The following DSCAM variants were observed in gnomAD, a reference collection of about 807,000 sequenced individuals.
DSCAM encodes DS cell adhesion molecule.
A neutral mutation model predicts 217.7 loss-of-function variants in DSCAM; 47 were observed. The observed-to-expected ratio is 0.22, with a 90% CI of 0.17 to 0.28. DSCAM has a LOEUF of 0.28. DSCAM is among the 10% of genes least tolerant of loss of function. The pLI, the probability that DSCAM is intolerant of heterozygous loss-of-function variation, is 1.00. For missense variants in DSCAM, 2,080 were observed against 2,618.3 expected (o/e 0.79, Z 4.49); for synonymous variants, 1,056 against 1,015.3 (o/e 1.04, Z -0.76).
chr21:40,082,882 C>G (rs992432884), intron 24 of DSCAM, among the ~76,000 whole-genome samples: 2 of 152,044 alleles, frequency 1.3e-5, no homozygotes, highest in Non-Finnish European at 2.9e-5. Flanking sequence ...TGGCACCTCA[C>G]TCTCGGAGCT....
In DSCAM at chr21:40,199,873, T is replaced by C. The variant is rs1355094517; in HGVS notation, c.2357-10635A>G. Among the ~76,000 whole-genome samples the C allele has an allele frequency of 2.0e-5, 3 of 152,176 alleles. No individual in the cohort carries two copies. In the East Asian group the frequency reaches 5.8e-4, roughly 29 times the overall value. On this transcript the variant is annotated intron_variant, in intron 11 of 32. Coordinates refer to ENST00000400454, the MANE Select transcript of DSCAM (RefSeq NM_001389.5). ...GGTTGATGGGTGCAGCAAACCACCA[T>C]GGCACATATATACCTATGTAACAAA...
At chr21:40,073,243 T>G (rs2089321253) in intron 27 of DSCAM, among the ~76,000 whole-genome samples, 1 of 152,174 alleles carries the variant, frequency 6.6e-6, no homozygotes, top group Non-Finnish European at 1.5e-5. Flanking sequence ...GAAGAAAAAG[T>G]GAATTTGGCG....
chr21:40,487,896 T>A (rs913557077), intron 3 of DSCAM, among the ~76,000 whole-genome samples: 2 of 152,160 alleles, frequency 1.3e-5, no homozygotes, highest in Non-Finnish European at 2.9e-5. Context: ...GAAGAGGCCA[T>A]TGCCAGTTGA....
At chr21:40,451,710 G>T (rs946259279) in intron 3 of DSCAM, among the ~76,000 whole-genome samples, 1 of 152,158 alleles carries the variant, frequency 6.6e-6, no homozygotes, top group Non-Finnish European at 1.5e-5. Flanking sequence ...CAAATCACTA[G>T]GGTTCGAATT....
intron 15 of DSCAM, 90 bp downstream of exon 15, chr21:40,178,837 C>A (rs2090762306): frequency 7.1e-6 from 11 of 1,543,882 alleles, no homozygotes; most frequent in Non-Finnish European, 9.7e-6. Context: ...CTAGCACGGG[C>A]AAAGGTCTGC....
At chr21:40,230,378 C>A (rs1020856197) in intron 11 of DSCAM, among the ~76,000 whole-genome samples, 1 of 152,096 alleles carries the variant, frequency 6.6e-6, no homozygotes, top group Non-Finnish European at 1.5e-5. Flanking sequence ...TAATAGAAAT[C>A]GGACTATTCA....
chr21:40,517,933 T>C (rs2076316453), intron 3 of DSCAM, among the ~76,000 whole-genome samples: 1 of 152,080 alleles, frequency 6.6e-6, no homozygotes, highest in Admixed American at 6.5e-5. Flanking sequence ...TGTTTGGCCC[T>C]GCACATGGCT....
chr21:40,112,945 G>A lies in DSCAM; in HGVS notation c.3696+11250C>T, dbSNP rs561010080. ...ATTAATAGCTTACCAACCAAAAAAA[G>A]TCCAGGACCAGATGGATTCACAGCC... On this transcript the variant is annotated intron_variant, in intron 20 of 32. Coordinates refer to ENST00000400454, the MANE Select transcript of DSCAM (RefSeq NM_001389.5). Among the ~76,000 whole-genome samples the A allele has an allele frequency of 1.3e-3, 194 of 152,232 alleles. 1 individual carries two copies. The highest frequency in any genetic ancestry group is 4.5e-3 in the African/African-American group (188 of 41,526).
intron 3 of DSCAM, among the ~76,000 whole-genome samples, chr21:40,508,315 G>A (rs1188643657): frequency 2.0e-5 from 3 of 152,064 alleles, no homozygotes; most frequent in Non-Finnish European, 2.9e-5. Context: ...TATGCTGACA[G>A]CCACACTGCA....
chr21:40,511,990 C>CAAAAAAAAAAAAA (rs780829574), intron 3 of DSCAM, among the ~76,000 whole-genome samples: 4 of 26,796 alleles, frequency 1.5e-4, no homozygotes, highest in African/African-American at 1.8e-4. Context: ...GACTCTGTCT[C>CAAAAAAAAAAAAA]AAAAAAAAAA....
chr21:40,686,344 A>G (rs1420771697), intron 3 of DSCAM, among the ~76,000 whole-genome samples: 4 of 150,778 alleles, frequency 2.7e-5, no homozygotes, highest in African/African-American at 4.9e-5. Context: ...TACACACCCC[A>G]CATGCCACAC....
intron 30 of DSCAM, among the ~76,000 whole-genome samples, chr21:40,050,975 T>A (rs16999228): frequency 0.029 from 4,409 of 152,338 alleles, 215 homozygotes; most frequent in African/African-American, 0.1. Context: ...TTTCAATGCC[T>A]GCTGAAACTG....
chr21:40,846,717 T>G lies in DSCAM; in HGVS notation c.-56A>C. 1.2e-6 allele frequency: 1 copy of G among 869,316 alleles called. No individual in the cohort carries two copies. Among genetic ancestry groups the G allele is most frequent in the African/African-American group, 1.8e-5 (1 of 54,434 alleles). The allele number at this position is 869,316 out of a possible 1,614,324, so 53.9% of individuals were successfully genotyped here. A position where few individuals can be genotyped will look rare whatever the true frequency, so the allele number is the denominator to read the frequency against. On this transcript the variant is annotated 5_prime_UTR_variant, in exon 1 of 33. Transcript: ENST00000400454. The stretch of plus-strand genomic sequence containing the variant: ...GACGCGCCGGCCTCGCCCCCCGCGC[T>G]CCGCCCGGCCCGGCTCCGCTCGCCG...
rs770251174 is a variant in DSCAM at position 40,187,204 on chromosome 21, C to T, written c.2706G>A (p.Thr902=). 1.2e-5 allele frequency: 20 copies of T among 1,613,968 alleles called. No homozygotes were observed. The highest frequency in any genetic ancestry group is 4.5e-5 in the East Asian group (2 of 44,886). Residue 902 remains threonine, a synonymous_variant, in exon 14 of 33, where the codon ACG becomes ACA. Transcript: ENST00000400454. The part of the protein sequence containing the change: ...EIKDVKARTI[T]LRWTMGFDGN... ...CATCAAACCCCATGGTCCACCTGAG[C>T]GTAATTGTGCGTGCTTTGACATCTT...
intron 3 of DSCAM, among the ~76,000 whole-genome samples, chr21:40,634,690 T>G (rs775459109): frequency 6.6e-6 from 1 of 152,208 alleles, no homozygotes; most frequent in Non-Finnish European, 1.5e-5. Context: ...TAAAGAAATG[T>G]GTGAACTTCA....
At chr21:40,347,584 G>C in intron 6 of DSCAM, 86 bp downstream of exon 6, 1 of 1,562,514 alleles carries the variant, frequency 6.4e-7, no homozygotes, top group East Asian at 2.2e-5. Context: ...TGAGCGATCA[G>C]CACTGCTTCA....
intron 11 of DSCAM, among the ~76,000 whole-genome samples, chr21:40,243,557 TAAATA>T (rs995405865): frequency 2.0e-5 from 3 of 152,068 alleles, no homozygotes; most frequent in African/African-American, 7.2e-5. Flanking sequence ...CAGCAGTAAA[TAAATA>T]AAAGCATCGG....
rs188018786 is a variant in DSCAM at position 40,702,120 on chromosome 21, A to T, written c.361+6334T>A. Among the ~76,000 whole-genome samples the T allele has an allele frequency of 1.6e-3, 243 of 152,282 alleles. 1 individual carries two copies. Among genetic ancestry groups the T allele is most frequent in the Admixed American group, 3.9e-3 (60 of 15,300 alleles). ...GTATTTTGAAGTTTTGTTGTTGGGT[A>T]CATAAACATTTACAATAGTCATATC... On this transcript the variant is annotated intron_variant, in intron 2 of 32. Coordinates refer to ENST00000400454, the MANE Select transcript of DSCAM (RefSeq NM_001389.5).
chr21:40,540,658 G>C (rs1054134343), intron 3 of DSCAM, among the ~76,000 whole-genome samples: 1 of 152,022 alleles, frequency 6.6e-6, no homozygotes, highest in Non-Finnish European at 1.5e-5. Context: ...AAAGAGAGGG[G>C]GTGCTGCTTA....
Sources: gnomAD v4.1 joint callset for allele counts (sites outside exome capture counted in the v4.1 genomes callset) on GRCh38, gnomAD v4.1.1 for gene constraint, MANE v1.5 for transcripts, NCBI Gene and HGNC (gene_info 2026-07-23, HGNC 2026-07-21) for gene names.